Variants in HCN1 observed in about 807,000 individuals in gnomAD.
The protein encoded by HCN1 is hyperpolarization activated cyclic nucleotide gated potassium channel 1.
HCN1 carries 13 observed loss-of-function variants against 78.9 expected under a neutral mutation model. That is an observed-to-expected ratio of 0.16 (90% CI 0.11 to 0.26). The LOEUF (loss-of-function observed/expected upper bound fraction) is 0.26. Ranked by LOEUF, HCN1 falls within the 10% of genes least tolerant of loss-of-function variation. The pLI is 1.00. For missense variants in HCN1, 810 were observed against 1,154.3 expected, an observed-to-expected ratio of 0.70 and a Z score of 4.32; for synonymous variants, 552 against 455.5, an observed-to-expected ratio of 1.21 and a Z score of -2.70.
chr5:45,275,392 A>T (rs1579771887), intron 6 of HCN1, among the ~76,000 whole-genome samples: 1 of 152,208 alleles, frequency 6.6e-6, no homozygotes, highest in African/African-American at 2.4e-5. Context: ...CTTTGGCTCC[A>T]ATTGACAGAA....
intron 5 of HCN1, among the ~76,000 whole-genome samples, chr5:45,317,236 A>C (rs1210959838): frequency 6.6e-6 from 1 of 152,226 alleles, no homozygotes; most frequent in East Asian, 1.9e-4. Context: ...CCAATGGAAC[A>C]GAACAGAGCC....
intron 4 of HCN1, among the ~76,000 whole-genome samples, chr5:45,376,139 T>C (rs1422780311): frequency 1.6e-4 from 15 of 94,102 alleles, no homozygotes; most frequent in Non-Finnish European, 2.5e-4. Context: ...TAAAATATAA[T>C]ATATTATATA....
At chr5:45,632,972 T>C (rs1170969313) in intron 2 of HCN1, among the ~76,000 whole-genome samples, 1 of 152,032 alleles carries the variant, frequency 6.6e-6, no homozygotes, top group Non-Finnish European at 1.5e-5. Context: ...TGCAGCAGTT[T>C]CTTGATAATC....
At chr5:45,410,313 G>T (rs1393451823) in intron 3 of HCN1, among the ~76,000 whole-genome samples, 1 of 152,050 alleles carries the variant, frequency 6.6e-6, no homozygotes, top group Non-Finnish European at 1.5e-5. Context: ...TATAGTGCTT[G>T]CAAATCTAAT....
intron 5 of HCN1, among the ~76,000 whole-genome samples, chr5:45,326,899 G>A (rs1339723295): frequency 6.6e-6 from 1 of 151,562 alleles, no homozygotes. Flanking sequence ...TTCTGTTAAG[G>A]TACCATGCAG....
chr5:45,379,150 T>C (rs1230211089), intron 4 of HCN1, among the ~76,000 whole-genome samples: 2 of 152,066 alleles, frequency 1.3e-5, no homozygotes, highest in African/African-American at 4.8e-5. Flanking sequence ...AATGGGATGG[T>C]TCGGTCAAAT....
At chr5:45,417,453 G>A (rs920533134) in intron 3 of HCN1, among the ~76,000 whole-genome samples, 13 of 151,868 alleles carry the variant, frequency 8.6e-5, no homozygotes, top group African/African-American at 2.4e-4. Flanking sequence ...ACCTTTAAAT[G>A]CTGTTTTGTC....
intron 6 of HCN1, among the ~76,000 whole-genome samples, chr5:45,298,212 T>C (rs2111896086): frequency 6.6e-6 from 1 of 152,150 alleles, no homozygotes; most frequent in African/African-American, 2.4e-5. Context: ...CATGGATTAA[T>C]TGGTTGATGT....
At chr5:45,550,083 A>G (rs1381184983) in intron 2 of HCN1, among the ~76,000 whole-genome samples, 1 of 151,942 alleles carries the variant, frequency 6.6e-6, no homozygotes, top group Non-Finnish European at 1.5e-5. Context: ...TGTGGAAGTC[A>G]GTGTGGCGAT....
At chr5:45,410,137 A>G (rs1411816690) in intron 3 of HCN1, among the ~76,000 whole-genome samples, 1 of 152,024 alleles carries the variant, frequency 6.6e-6, no homozygotes, top group Non-Finnish European at 1.5e-5. Flanking sequence ...CTTACAAGGA[A>G]CTTAATAGAC....
chr5:45,410,626 T>C (rs1381324839), intron 3 of HCN1, among the ~76,000 whole-genome samples: 2 of 152,080 alleles, frequency 1.3e-5, no homozygotes, highest in East Asian at 3.8e-4. Flanking sequence ...TCTAAAGACA[T>C]GACTTTAAAT....
intron 1 of HCN1, among the ~76,000 whole-genome samples, chr5:45,691,571 T>G (rs1243225179): frequency 6.6e-6 from 1 of 152,092 alleles, no homozygotes; most frequent in East Asian, 1.9e-4. Flanking sequence ...TCACCTAACA[T>G]AGAAAAAAAA....
chr5:45,275,016 G>T (rs536147216), intron 6 of HCN1, among the ~76,000 whole-genome samples: 3 of 152,138 alleles, frequency 2.0e-5, no homozygotes, highest in South Asian at 4.1e-4. Flanking sequence ...GAGGCCGAGG[G>T]GGGCAGATCA....
chr5:45,530,511 T>C (rs1579952385), intron 2 of HCN1, among the ~76,000 whole-genome samples: 3 of 151,582 alleles, frequency 2.0e-5, no homozygotes. Flanking sequence ...GTAAGGACTA[T>C]ACATTAGGCA....
intron 4 of HCN1, among the ~76,000 whole-genome samples, chr5:45,372,333 T>C (rs1272286359): frequency 4.9e-5 from 5 of 103,084 alleles, no homozygotes; most frequent in African/African-American, 2.0e-4. Flanking sequence ...TGTTATATAA[T>C]ATATATCATA....
At chr5:45,404,552 G>C (rs1180431744) in intron 3 of HCN1, among the ~76,000 whole-genome samples, 1 of 150,650 alleles carries the variant, frequency 6.6e-6, no homozygotes, top group African/African-American at 2.4e-5. Context: ...AACATAGTAA[G>C]TACCTTTGCT....
intron 5 of HCN1, among the ~76,000 whole-genome samples, chr5:45,346,200 G>A (rs972043215): frequency 6.6e-6 from 1 of 152,196 alleles, no homozygotes; most frequent in African/African-American, 2.4e-5. Context: ...CCCATGATAT[G>A]TGGGAAATGT....
At chr5:45,403,876 T>C (rs1374129108) in intron 3 of HCN1, among the ~76,000 whole-genome samples, 2 of 152,164 alleles carry the variant, frequency 1.3e-5, no homozygotes, top group African/African-American at 2.4e-5. Flanking sequence ...TGACAAATAA[T>C]GACACTGAAG....
intron 6 of HCN1, among the ~76,000 whole-genome samples, chr5:45,301,417 A>C (rs1745618553): frequency 6.6e-6 from 1 of 151,746 alleles, no homozygotes. Context: ...AAAATAGATA[A>C]AAATGTGAAA....
Sources: gnomAD v4.1 joint callset for allele counts (sites outside exome capture counted in the v4.1 genomes callset) on GRCh38, gnomAD v4.1.1 for gene constraint, MANE v1.5 for transcripts, NCBI Gene and HGNC (gene_info 2026-07-23, HGNC 2026-07-21) for gene names.